DHX37: variants seen among roughly 807,000 people sequenced by gnomAD.
DHX37 encodes DEAH-box helicase 37.
A neutral mutation model predicts 134.3 loss-of-function variants in DHX37; 52 were observed. The observed-to-expected ratio is 0.39, with a 90% confidence interval of 0.31 to 0.49. DHX37 has a LOEUF of 0.49. Among genes scored for constraint, DHX37 ranks in the 20% least tolerant of loss-of-function variants. The pLI is 0.93. For synonymous variants in DHX37, 634 were observed against 670.7 expected (o/e 0.95, Z 0.85); for missense variants, 1,344 against 1,580.8 (o/e 0.85, Z 2.54).
rs564860934 is a variant in DHX37 at position 124,950,330 on chromosome 12, C to T, written c.3121+83G>A. 1.2e-4 allele frequency: 190 copies of T among 1,602,354 alleles called. No individual in the cohort carries two copies. The African/African-American group carries it at 1.8e-3, about 15-fold the overall frequency. ...CTGCCCCACCCGAGACACACACGTC[C>T]GGGGGCAGGGGACAGGACCGTGTGT... is the stretch of plus-strand genomic sequence containing the variant. On this transcript the variant is annotated intron_variant, in intron 23 of 26. Transcript: ENST00000308736.
chr12:124,971,429 C>G lies in DHX37; in HGVS notation c.1078-14G>C, dbSNP rs373496145. ...CAGCAGGAAGTCCTGGGGGGAGGTC[C>G]GGGGTGAGGCCCACCCTTCCAGCCT... is the stretch of plus-strand genomic sequence containing the variant. On this transcript the variant is annotated splice_polypyrimidine_tract_variant and intron_variant, in intron 7 of 26. Coordinates refer to ENST00000308736, the MANE Select transcript of DHX37 (RefSeq NM_032656.4). 6.2e-7 allele frequency: 1 copy of G among 1,611,492 alleles called. No homozygotes were observed. Among genetic ancestry groups the G allele is most frequent in the Non-Finnish European group, 8.5e-7 (1 of 1,179,360 alleles).
chr12:124,972,392 G>C, intron 7 of DHX37, 111 bp downstream of exon 7: 1 of 1,065,052 alleles, frequency 9.4e-7, no homozygotes, highest in East Asian at 2.4e-5. Context: ...AGCACCGTGG[G>C]AGTGCTGGAT....
chr12:124,976,237 A>G (rs1954636543), intron 5 of DHX37, among the ~76,000 whole-genome samples: 2 of 152,328 alleles, frequency 1.3e-5, no homozygotes, highest in Middle Eastern at 6.8e-3. Context: ...GGGTTTCCCC[A>G]GAACACCCCA....
rs117859189 is a variant in DHX37, at chr12:124,947,538, C to T, written c.*264G>A. ...AATGTAGTCCAAAGAGCACACTGAACAGAACAGCGTCCAGCACGTGAGATG... is the reference window on the plus strand; with the variant it reads ...AATGTAGTCCAAAGAGCACACTGAATAGAACAGCGTCCAGCACGTGAGATG... On this transcript the variant is annotated 3_prime_UTR_variant, in exon 27 of 27. Coordinates refer to ENST00000308736, the MANE Select transcript of DHX37 (RefSeq NM_032656.4). 4.4e-3 allele frequency: 1,909 copies of T among 437,458 alleles called. 11 individuals are homozygous for T. The highest frequency in any genetic ancestry group is 6.6e-3 in the Non-Finnish European group (1,632 of 246,212). 27.1% of individuals were successfully genotyped at this position (437,458 alleles called of 1,614,324 possible). A position where few individuals can be genotyped will look rare whatever the true frequency, so the allele number is the denominator to read the frequency against.
At chr12:124,985,103 A>G (rs565751852) in intron 2 of DHX37, among the ~76,000 whole-genome samples, 2 of 152,130 alleles carry the variant, frequency 1.3e-5, no homozygotes, top group Non-Finnish European at 2.9e-5. Flanking sequence ...CCCAGTGAGG[A>G]GCACCGCCCT....
chr12:124,977,004 C>A (rs1954659180), intron 5 of DHX37, among the ~76,000 whole-genome samples: 1 of 150,602 alleles, frequency 6.6e-6, no homozygotes, highest in Non-Finnish European at 1.5e-5. Context: ...CAATATCACA[C>A]CACTGTACTC....
Position 124,964,577 on chromosome 12 carries a change from T to G in DHX37, c.1862A>C (p.Asn621Thr). 1 of 1,613,376 alleles carries G rather than the reference T, an allele frequency of 6.2e-7. No individual in the cohort carries two copies. The highest frequency in any genetic ancestry group is 8.5e-7 in the Non-Finnish European group (1 of 1,179,374). The change falls in exon 15 of 27, where the codon AAT (asparagine) becomes ACT (threonine). Residue 621 changes from asparagine to threonine, a missense_variant. Physicochemically the swap from Asn to Thr is moderately conservative, Grantham distance 65. Coordinates refer to ENST00000308736, the MANE Select transcript of DHX37 (RefSeq NM_032656.4). ...GATGGTAAGCGACGTCTCGGCCACA[T>G]TGGTGGCCACAACACACAACCGAGT... ...EGTRLCVVAT[N>T]VAETSLTIPG...
Position 124,947,028 on chromosome 12 carries a change from A to G in DHX37, c.*774T>C, listed in dbSNP as rs1263359601. The stretch of plus-strand genomic sequence containing the variant: ...TCTTTCTTGCTGGGGGACCTACCCC[A>G]CCCTCCCCCTCCCACCTCAGCCACA... On this transcript the variant is annotated 3_prime_UTR_variant, in exon 27 of 27. Transcript: ENST00000308736. 7.1e-6 allele frequency: 1 copy of G among 141,188 alleles called. No homozygotes were observed. The highest frequency in any genetic ancestry group is 1.6e-5 in the Non-Finnish European group (1 of 64,494). The allele number at this position is 141,188 out of a possible 1,614,324, so 8.7% of individuals were successfully genotyped here.
chr12:124,950,663 C>T lies in DHX37; in HGVS notation c.2983+27G>A. The T allele has an allele frequency of 3.7e-6, 6 of 1,609,792 alleles. No individual in the cohort carries two copies. In the South Asian group the frequency reaches 5.5e-5, roughly 15 times the overall value. ...CCCCATTAGCGTCACCATCGGGGGA[C>T]AAGGGGCTGTCCGCAGGCCTCGGCA... On this transcript the variant is annotated intron_variant, in intron 22 of 26. Coordinates refer to ENST00000308736, the MANE Select transcript of DHX37 (RefSeq NM_032656.4).
intron 16 of DHX37, among the ~76,000 whole-genome samples, chr12:124,959,791 TGTG>T (rs770486548): frequency 1.3e-5 from 2 of 152,212 alleles, no homozygotes; most frequent in East Asian, 1.9e-4. Flanking sequence ...TAGGAGACCA[TGTG>T]GGTTCTGTCA....
chr12:124,967,436 A>G (rs1437132947), intron 10 of DHX37, among the ~76,000 whole-genome samples: 1 of 152,208 alleles, frequency 6.6e-6, no homozygotes, highest in Admixed American at 6.5e-5. Flanking sequence ...GCCCAGCAGC[A>G]TCACTCCCAG....
intron 25 of DHX37, chr12:124,948,451 AAAAC>A (rs1953914287): frequency 1.2e-5 from 7 of 577,010 alleles, no homozygotes; most frequent in East Asian, 6.0e-5. Context: ...ACTTGTCTCA[AAAAC>A]AAACAAACTG....
In DHX37 at chr12:124,964,415, G is replaced by A. The variant is rs61757599; in HGVS notation, c.2024C>T (p.Thr675Met). 4.3e-4 allele frequency: 698 copies of A among 1,613,834 alleles called. 2 individuals are homozygous for A. Among genetic ancestry groups the A allele is most frequent in the South Asian group, 1.1e-3 (100 of 91,080 alleles). Residue 675 changes from threonine (T) to methionine (M), a missense_variant, in exon 15 of 27, where the codon ACG becomes ATG. Thr to Met is a moderately conservative substitution (Grantham distance 81). Around this residue, in one of 7 missense-constraint regions of DHX37, gnomAD observed 39 missense variants for 87.9 expected, o/e 0.44. Transcript: ENST00000308736. ...ADQRAGRAGRTEPGHCYRLYS... is the reference protein window; with the variant it reads ...ADQRAGRAGRMEPGHCYRLYS... ...CCACCTGTAGCAGTGGCCGGGCTCC[G>A]TCCGTCCTGCTCTGCCCGCTCGCTG...
Position 124,982,191 on chromosome 12 carries a change from TTGACCACCTAA to T in DHX37, c.389+309_389+319del, listed in dbSNP as rs1412576416. ...CCCGCTGATGGGCCAAATCCAGCCC[TTGACCACCTAA>T]TGGCAATTTCTGGCCTAATCAGCTG... is the stretch of plus-strand genomic sequence containing the variant. On this transcript the variant is annotated intron_variant, in intron 3 of 26. Transcript: ENST00000308736. 2.7e-4 allele frequency among the ~76,000 whole-genome samples: 41 copies of T among 151,548 alleles called. 1 individual carries two copies. Among genetic ancestry groups the T allele is most frequent in the Non-Finnish European group, 1.5e-5 (1 of 67,946 alleles).
At chr12:124,968,440 C>G in intron 10 of DHX37, 94 bp downstream of exon 10, 3 of 1,560,544 alleles carry the variant, frequency 1.9e-6, no homozygotes, top group Non-Finnish European at 2.6e-6. Flanking sequence ...AGGGACTTTT[C>G]TGAGCCACTC....
intron 11 of DHX37, 56 bp downstream of exon 11, chr12:124,967,067 C>G: frequency 6.3e-7 from 1 of 1,591,342 alleles, no homozygotes; most frequent in Non-Finnish European, 8.6e-7. Flanking sequence ...AGCCAGGGAG[C>G]GCGAGGCCAA....
intron 15 of DHX37, among the ~76,000 whole-genome samples, chr12:124,963,915 G>A (rs765457767): frequency 3.6e-4 from 52 of 145,894 alleles, no homozygotes; most frequent in Non-Finnish European, 7.0e-4. Flanking sequence ...GAAACAGTGC[G>A]AGTAGGCCAG....
intron 7 of DHX37, among the ~76,000 whole-genome samples, chr12:124,972,156 C>T (rs992590651): frequency 1.5e-4 from 23 of 152,366 alleles, no homozygotes; most frequent in Admixed American, 1.5e-3. Context: ...CTGCACACCA[C>T]AGGCTTTCAG....
In DHX37 at chr12:124,980,477, C is replaced by T. The variant is rs4072887; in HGVS notation, c.738+13G>A. 0.34 allele frequency: 538,328 copies of T among 1,604,022 alleles called. 93,853 individuals are homozygous for T. Among genetic ancestry groups the T allele is most frequent in the African/African-American group, 0.53 (39,816 of 74,504 alleles). On this transcript the variant is annotated intron_variant, in intron 4 of 26. Coordinates refer to ENST00000308736, the MANE Select transcript of DHX37 (RefSeq NM_032656.4). The surrounding 1 kb of genome is among the most constrained non-coding windows in gnomAD (Gnocchi z 5.3). ...TAACCTAGATTCTTAATCACAAACA[C>T]GGGGTGGCGAACCTGCATTTCCGGG...
Sources: allele counts gnomAD v4.1 joint callset (sites outside exome capture counted in the v4.1 genomes callset), GRCh38; gene constraint gnomAD v4.1.1; regional missense constraint gnomAD v4.1.1; non-coding constraint Gnocchi (gnomAD v3.1); transcripts MANE v1.5; gene names NCBI Gene and HGNC (gene_info 2026-07-23, HGNC 2026-07-21).